Variants in CCNH observed in about 807,000 individuals in gnomAD.
CCNH encodes cyclin H.
Under a neutral mutation model 41.9 loss-of-function variants are expected in CCNH, and 31 were observed. That is an observed-to-expected ratio of 0.74 (90% CI 0.56 to 1.00). The LOEUF (loss-of-function observed/expected upper bound fraction) is 1.00. Ranked by LOEUF, CCNH falls within the 50% of genes least tolerant of loss-of-function variation. The pLI is 0.00. For missense variants in CCNH, 362 were observed against 388.4 expected, an observed-to-expected ratio of 0.93 and a Z score of 0.57; for synonymous variants, 138 against 136.1, an observed-to-expected ratio of 1.01 and a Z score of -0.10.
At chr5:87,323,072 C>G (rs967405973) in intron 9 of CCNH, among the ~76,000 whole-genome samples, 2 of 152,188 alleles carry the variant, frequency 1.3e-5, no homozygotes, top group East Asian at 1.9e-4. Flanking sequence ...GGGGATTGCT[C>G]TCATAGAGGT....
rs558527534 is a variant in CCNH, at chr5:87,361,845, A to AT, written c.*90+30924dup. Among the ~76,000 whole-genome samples the AT allele has an allele frequency of 8.3e-3, 1,179 of 142,528 alleles. 17 individuals are homozygous for AT. The highest frequency in any genetic ancestry group is 0.031 in the African/African-American group (1,121 of 35,740). 93.5% of individuals were successfully genotyped at this position (142,528 alleles called of 152,430 possible). A position where few individuals can be genotyped will look rare whatever the true frequency, so the allele number is the denominator to read the frequency against. On this transcript the variant is annotated intron_variant and NMD_transcript_variant, in intron 9 of 9. Coordinates refer to the CCNH transcript ENST00000645953. ...ATAAATATGTTGCTTAGTTTTATAC[A>AT]TTTTTTTTTAAGAAATATGTACATC... is the stretch of plus-strand genomic sequence containing the variant.
chr5:87,324,095 T>C (rs1373785851), intron 9 of CCNH, among the ~76,000 whole-genome samples: 1 of 152,202 alleles, frequency 6.6e-6, no homozygotes, highest in Non-Finnish European at 1.5e-5. Context: ...ACTTTTAACC[T>C]TCAGACGTAG....
chr5:87,338,760 G>A (rs573155020), intron 9 of CCNH, among the ~76,000 whole-genome samples: 2 of 150,726 alleles, frequency 1.3e-5, no homozygotes, highest in Non-Finnish European at 3.0e-5. Flanking sequence ...ACCTCAACTG[G>A]TTACACATGT....
rs1762820042 is a variant in CCNH at position 87,395,062 on chromosome 5, C to T, written c.915G>A (p.Lys305=). 2 of 1,611,476 alleles carry T rather than the reference C, an allele frequency of 1.2e-6. No homozygotes were observed. Among genetic ancestry groups the T allele is most frequent in the East Asian group, 4.5e-5 (2 of 44,742 alleles). Residue 305 remains lysine (K), a synonymous_variant, in exon 8 of 9, where the codon AAG becomes AAA. Coordinates refer to ENST00000256897, the MANE Select transcript of CCNH (RefSeq NM_001239.4). The part of the protein sequence containing the change: ...KGYEDDDYVS[K]KSKHEEEEWT... ...AACATACCTCCTCATGTTTGGATTT[C>T]TTTGAGACGTAATCATCATCTTCAT...
chr5:87,353,959 A>AG (rs1382945835), intron 9 of CCNH, among the ~76,000 whole-genome samples: 3 of 152,106 alleles, frequency 2.0e-5, no homozygotes, highest in African/African-American at 7.2e-5. Flanking sequence ...CGGATTAATA[A>AG]TTTTCCTAAG....
At chr5:87,392,485 C>G (rs1413097006), downstream of CCNH, 2 of 384,610 alleles carry the variant, frequency 5.2e-6, no homozygotes, top group Non-Finnish European at 5.1e-6. Flanking sequence ...ACTCTCCTTT[C>G]CACCCCTTCT....
intron 9 of CCNH, chr5:87,331,393 C>T: frequency 8.7e-6 from 14 of 1,612,924 alleles, no homozygotes; most frequent in Non-Finnish European, 1.2e-5. Flanking sequence ...AAGAACGCCT[C>T]AGGCAGGCAG....
chr5:87,378,086 T>C (rs774079716), upstream of CCNH, among the ~76,000 whole-genome samples: 1 of 152,246 alleles, frequency 6.6e-6, no homozygotes, highest in Non-Finnish European at 1.5e-5. Context: ...TTTATGGTCC[T>C]AATTTTATCA....
intron 9 of CCNH, among the ~76,000 whole-genome samples, chr5:87,359,490 A>ATT (rs1388797117): frequency 6.6e-6 from 1 of 152,104 alleles, no homozygotes; most frequent in African/African-American, 2.4e-5. Context: ...CTTTAATATG[A>ATT]TTTTTAAAAG....
At chr5:87,406,244 TCCAAATCCCATGCCAA>T (rs919705629) in intron 4 of CCNH, among the ~76,000 whole-genome samples, 7 of 152,110 alleles carry the variant, frequency 4.6e-5, no homozygotes, top group Non-Finnish European at 7.4e-5. Context: ...ATACCTTGCT[TCCAAATCCCATGCCAA>T]CCCCCTTCCA....
At chr5:87,365,584 G>GAT (rs1033560543) in intron 9 of CCNH, among the ~76,000 whole-genome samples, 49 of 152,066 alleles carry the variant, frequency 3.2e-4, no homozygotes, top group South Asian at 1.2e-3. Flanking sequence ...TAATGAATTT[G>GAT]ATATATTTTT....
At chr5:87,385,504 T>A in intron 9 of CCNH, 1 of 787,998 alleles carries the variant, frequency 1.3e-6, no homozygotes, top group East Asian at 2.7e-5. Context: ...CGATGAAAGA[T>A]TATTTTTGTT....
At chr5:87,380,702 T>G, upstream of CCNH, 1 of 1,038,260 alleles carries the variant, frequency 9.6e-7, no homozygotes, top group African/African-American at 1.6e-5. Context: ...TTGGCTTTTA[T>G]GTCAAAGCCC....
chr5:87,315,869 A>G (rs2112318483), downstream of CCNH, among the ~76,000 whole-genome samples: 1 of 152,316 alleles, frequency 6.6e-6, no homozygotes, highest in East Asian at 1.9e-4. Flanking sequence ...TAAAAAGTTT[A>G]ATTTCAAAAA....
intron 9 of CCNH, among the ~76,000 whole-genome samples, chr5:87,360,128 T>G (rs1307628649): frequency 3.3e-5 from 5 of 151,568 alleles, no homozygotes; most frequent in Admixed American, 1.3e-4. Flanking sequence ...AATGCAGTTT[T>G]TTTTTTTTTT....
At chr5:87,361,272 GT>G (rs1482024028) in intron 9 of CCNH, among the ~76,000 whole-genome samples, 1 of 152,180 alleles carries the variant, frequency 6.6e-6, no homozygotes, top group African/African-American at 2.4e-5. Flanking sequence ...GCGTGCCACA[GT>G]TTGTCAGCCC....
chr5:87,349,181 A>G (rs778268165), intron 9 of CCNH: 2 of 1,607,978 alleles, frequency 1.2e-6, no homozygotes, highest in Admixed American at 3.3e-5. Flanking sequence ...TTATTTGATA[A>G]TTAGGGAAAA....
intron 4 of CCNH, among the ~76,000 whole-genome samples, chr5:87,406,524 A>G (rs1349510073): frequency 6.6e-6 from 1 of 152,198 alleles, no homozygotes; most frequent in Non-Finnish European, 1.5e-5. Flanking sequence ...AAATGCTCCA[A>G]AATCTGAAAG....
chr5:87,315,792 CT>C (rs1419555911), downstream of CCNH, among the ~76,000 whole-genome samples: 1 of 152,172 alleles, frequency 6.6e-6, no homozygotes, highest in African/African-American at 2.4e-5. Context: ...AGATTAAATA[CT>C]TCCTAGGAAT....
Sources: allele counts gnomAD v4.1 joint callset (sites outside exome capture counted in the v4.1 genomes callset), GRCh38; gene constraint gnomAD v4.1.1; transcripts MANE v1.5; gene names NCBI Gene and HGNC (gene_info 2026-07-23, HGNC 2026-07-21).